The following WNK4 variants were observed in gnomAD, a reference collection of about 807,000 sequenced individuals.
WNK4 encodes serine/threonine-protein kinase WNK4.
WNK4 carries 94 observed loss-of-function variants against 116.2 expected under a neutral mutation model. The observed-to-expected ratio is 0.81, with a 90% CI of 0.68 to 0.96. The LOEUF is 0.96. WNK4 is among the 40% of genes least tolerant of loss of function. The pLI, the probability that WNK4 is intolerant of heterozygous loss-of-function variation, is 0.00. For synonymous variants in WNK4, 655 were observed against 672.7 expected (o/e 0.97, Z 0.41); for missense variants, 1,542 against 1,650.6 (o/e 0.93, Z 1.14).
chr17:42,794,194 G>C, intron 12 of WNK4: 1 of 310,924 alleles, frequency 3.2e-6, no homozygotes, highest in Non-Finnish European at 6.1e-6. Flanking sequence ...TATGATGAAA[G>C]CCATGGACTC....
chr17:42,784,353 C>T lies in WNK4; in HGVS notation c.1013-69C>T. 3.2e-6 allele frequency: 5 copies of T among 1,587,092 alleles called. No individual in the cohort carries two copies. The highest frequency in any genetic ancestry group is 2.6e-6 in the Non-Finnish European group (3 of 1,166,198). Reference sequence around the variant, plus strand: ...CTTGCACTCGCAGGGTTGCCTGGGGCTGCCTAGCCCAGTGGGAAGGACGAG... The same window carrying T: ...CTTGCACTCGCAGGGTTGCCTGGGGTTGCCTAGCCCAGTGGGAAGGACGAG... On this transcript the variant is annotated intron_variant, in intron 3 of 18. Transcript: ENST00000246914. This position sits in a 1 kb window ranked among gnomAD's most constrained non-coding sequence, Gnocchi z 4.4.
At chr17:42,788,249 G>A (rs2054573088) in intron 9 of WNK4, 41 bp from the exon 10 acceptor site, 3 of 1,613,228 alleles carry the variant, frequency 1.9e-6, no homozygotes, top group Non-Finnish European at 1.7e-6. Context: ...GGGTCCCAGT[G>A]TCTGCTCTGA....
rs1417787388 is a variant in WNK4 at position 42,780,874 on chromosome 17, T to A, written c.176T>A (p.Leu59His). The change falls in exon 1 of 19, where the codon CTC becomes CAC. Residue 59 changes from leucine (L) to histidine (H), a missense_variant. Leu to His is a moderately conservative substitution (Grantham distance 99). Around this residue, in one of 7 missense-constraint regions of WNK4, gnomAD observed 243 missense variants for 217.8 expected, o/e 1.12. Transcript: ENST00000246914. ...GAGCCCCGGCCGCGCTCTTCTCGTC[T>A]CAGCCGCCGTAGCTCAGTCGACTTG... ...KAEPRPRSSR[L>H]SRRSSVDLGL... The A allele has an allele frequency of 6.2e-7, 1 of 1,604,838 alleles. No homozygotes were observed. The highest frequency in any genetic ancestry group is 8.5e-7 in the Non-Finnish European group (1 of 1,179,432).
chr17:42,787,995 C>G lies in WNK4; in HGVS notation c.1863+96C>G, dbSNP rs1051480702. ...CAATCTCATGATCCAGTCCCATGTCCCTGGAAATCCACCATTCTTGCCCTC... is the reference window on the plus strand; with the variant it reads ...CAATCTCATGATCCAGTCCCATGTCGCTGGAAATCCACCATTCTTGCCCTC... On this transcript the variant is annotated intron_variant, in intron 8 of 18. Transcript: ENST00000246914. 4 of 1,593,992 alleles carry G rather than the reference C, an allele frequency of 2.5e-6. No homozygotes were observed. In the African/African-American group the frequency reaches 5.4e-5, roughly 21 times the overall value.
At position 42,785,341 on chromosome 17, in the gene WNK4, G is replaced by C. The variant is rs746404916; in HGVS notation, c.1335G>C (p.Glu445Asp). 1.2e-6 allele frequency: 2 copies of C among 1,611,446 alleles called. No homozygotes were observed. The highest frequency in any genetic ancestry group is 2.2e-5 in the East Asian group (1 of 44,794). Residue 445 changes from glutamate (E) to aspartate (D), a missense_variant, in exon 6 of 19, where the codon GAG becomes GAC. Around this residue, in one of 7 missense-constraint regions of WNK4, gnomAD observed 808 missense variants for 873.6 expected, o/e 0.92. Transcript: ENST00000246914. ...GTGTGCACGTGGAACTAGCGGAGGA[G>C]GACGACGGCGAGAAGCCGGGCCTCA... is the stretch of plus-strand genomic sequence containing the variant. Reference protein sequence around the residue: ...ERGVHVELAEEDDGEKPGLKL... With the variant: ...ERGVHVELAEDDDGEKPGLKL...
chr17:42,788,896 C>A (rs1437676618), intron 11 of WNK4, 99 bp downstream of exon 11: 4 of 978,114 alleles, frequency 4.1e-6, no homozygotes, highest in Non-Finnish European at 6.6e-6. Flanking sequence ...CGACAGCAAG[C>A]ATTTTTAAAT....
rs1433750186 is a variant in WNK4 at position 42,796,489 on chromosome 17, C to T, written c.3640C>T (p.Arg1214Ter). ...CCCCATCCTGCTCCCAGGCATCATG[C>T]GAAGGAACTCTCTGAGTGGCAGCAG... ...RSEPPGPGIM[R>*]RNSLSGSSTG... The change falls in exon 18 of 19, where the codon CGA becomes TGA. Residue 1214 changes from arginine (R) to a stop codon, truncating the protein, a stop_gained. Transcript: ENST00000246914. LOFTEE classifies it high-confidence loss of function. The T allele has an allele frequency of 1.4e-5, 23 of 1,613,878 alleles. No individual in the cohort carries two copies. The highest frequency in any genetic ancestry group is 2.7e-5 in the African/African-American group (2 of 74,912).
chr17:42,789,780 A>G (rs1283883948), intron 11 of WNK4, among the ~76,000 whole-genome samples: 1 of 152,062 alleles, frequency 6.6e-6, no homozygotes, highest in African/African-American at 2.4e-5. Flanking sequence ...ATGAAGTAGG[A>G]GGATTGCTTG....
chr17:42,785,559 G>A, intron 6 of WNK4, 77 bp downstream of exon 6: 1 of 1,518,078 alleles, frequency 6.6e-7, no homozygotes, highest in Admixed American at 2.0e-5. Context: ...ACAGGGATGG[G>A]GCGCAGGAGG....
intron 10 of WNK4, 67 bp downstream of exon 10, chr17:42,788,474 G>A (rs905409151): frequency 3.9e-5 from 59 of 1,525,038 alleles, no homozygotes; most frequent in African/African-American, 2.3e-4. Flanking sequence ...AGGGGGAGGC[G>A]GGGGAGGTCA....
At chr17:42,793,967 C>G (rs1218096945) in intron 12 of WNK4, 1 of 475,942 alleles carries the variant, frequency 2.1e-6, no homozygotes, top group Non-Finnish European at 3.8e-6. Context: ...ATTCTCCTGT[C>G]CCAGCCTCCC....
rs2054474601 is a variant in WNK4, at chr17:42,780,892, T to A, written c.194T>A (p.Val65Asp). ...TCTCGTCTCAGCCGCCGTAGCTCAGTCGACTTGGGGCTGCTGAGCTCTTGG... is the reference window on the plus strand; with the variant it reads ...TCTCGTCTCAGCCGCCGTAGCTCAGACGACTTGGGGCTGCTGAGCTCTTGG... The part of the protein sequence containing the change: ...RSSRLSRRSS[V>D]DLGLLSSWSL... The change falls in exon 1 of 19, where the codon GTC (valine) becomes GAC (aspartate). Residue 65 changes from valine to aspartate, a missense_variant. Transcript: ENST00000246914. 3 of 1,606,470 alleles carry A rather than the reference T, an allele frequency of 1.9e-6. No homozygotes were observed. The highest frequency in any genetic ancestry group is 2.5e-6 in the Non-Finnish European group (3 of 1,179,578).
rs1326799168 is a variant in WNK4 at position 42,782,353 on chromosome 17, C to G, written c.619-405C>G. Among the ~76,000 whole-genome samples the G allele has an allele frequency of 6.6e-6, 1 of 152,262 alleles. No homozygotes were observed. Among genetic ancestry groups the G allele is most frequent in the African/African-American group, 2.4e-5 (1 of 41,462 alleles). On this transcript the variant is annotated intron_variant, in intron 1 of 18. Coordinates refer to ENST00000246914, the MANE Select transcript of WNK4 (RefSeq NM_032387.5). This position sits in a 1 kb window ranked among gnomAD's most constrained non-coding sequence, Gnocchi z 4.2. The stretch of plus-strand genomic sequence containing the variant: ...CTAGCAGTTCTGTTTCTGGGGCCAA[C>G]CCCCTTGCCGGCCCCAATTCCCTGC...
Position 42,784,334 on chromosome 17 carries a change from C to T in WNK4, c.1013-88C>T, listed in dbSNP as rs1018890987. ...CCACTGTGGGCCGGGGTCACTTGCA[C>T]TCGCAGGGTTGCCTGGGGCTGCCTA... On this transcript the variant is annotated intron_variant, in intron 3 of 18. Transcript: ENST00000246914. The surrounding 1 kb of genome is among the most constrained non-coding windows in gnomAD (Gnocchi z 4.4). 3.2e-6 allele frequency: 5 copies of T among 1,572,818 alleles called. No homozygotes were observed. The highest frequency in any genetic ancestry group is 1.7e-4 in the Middle Eastern group (1 of 6,006).
rs2144095603 is a variant in WNK4, at chr17:42,796,595, G to A, written c.3729+17G>A. The A allele has an allele frequency of 3.1e-6, 5 of 1,614,204 alleles. No homozygotes were observed. Among genetic ancestry groups the A allele is most frequent in the Non-Finnish European group, 4.2e-6 (5 of 1,180,032 alleles). On this transcript the variant is annotated intron_variant, in intron 18 of 18. Transcript: ENST00000246914. ...GGCAGGATGGTGAGGGCGGGCCCAA[G>A]GGAGGGAGAGCCCAGGGAATGGTAC...
chr17:42,797,013 G>A lies in WNK4; in HGVS notation c.*325G>A. 2.0e-6 allele frequency: 1 copy of A among 500,788 alleles called. No individual in the cohort carries two copies. The allele number at this position is 500,788 out of a possible 1,614,324, so 31.0% of individuals were successfully genotyped here. A position where few individuals can be genotyped will look rare whatever the true frequency, so the allele number is the denominator to read the frequency against. Reference sequence around the variant, plus strand: ...CCCACTCCCAGCTGGGAGAGTGTAGGGGATATGCTCACACCACATTAGCAG... The same window carrying A: ...CCCACTCCCAGCTGGGAGAGTGTAGAGGATATGCTCACACCACATTAGCAG... On this transcript the variant is annotated 3_prime_UTR_variant, in exon 19 of 19. Coordinates refer to ENST00000246914, the MANE Select transcript of WNK4 (RefSeq NM_032387.5).
intron 11 of WNK4, 138 bp from the exon 12 acceptor site, chr17:42,793,453 GC>G (rs1392701921): frequency 1.8e-6 from 2 of 1,116,540 alleles, no homozygotes; most frequent in Non-Finnish European, 2.6e-6. Context: ...CAGGTGATCC[GC>G]CCGCCTCGGC....
At chr17:42,783,098 C>A (rs2054503032) in intron 2 of WNK4, among the ~76,000 whole-genome samples, 168 bp downstream of exon 2, 1 of 152,136 alleles carries the variant, frequency 6.6e-6, no homozygotes, top group Non-Finnish European at 1.5e-5. Context: ...CAATGTCCAC[C>A]CAGCACTCCA....
rs2054684859 is a variant in WNK4, at chr17:42,796,996, C to G, written c.*308C>G. The G allele has an allele frequency of 1.9e-6, 1 of 531,350 alleles. No homozygotes were observed. The highest frequency in any genetic ancestry group is 5.1e-4 in the Middle Eastern group (1 of 1,944). 32.9% of individuals were successfully genotyped at this position (531,350 alleles called of 1,614,324 possible). On this transcript the variant is annotated 3_prime_UTR_variant, in exon 19 of 19. Transcript: ENST00000246914. ...GGATGCTTCTAGAGGGGCCCACTCC[C>G]AGCTGGGAGAGTGTAGGGGATATGC... is the stretch of plus-strand genomic sequence containing the variant.
Sources: allele counts gnomAD v4.1 joint callset (sites outside exome capture counted in the v4.1 genomes callset), GRCh38; gene constraint gnomAD v4.1.1; regional missense constraint gnomAD v4.1.1; non-coding constraint Gnocchi (gnomAD v3.1); transcripts MANE v1.5; gene names NCBI Gene and HGNC (gene_info 2026-07-23, HGNC 2026-07-21).